SP2: variants seen among roughly 807,000 people sequenced by gnomAD.
SP2 encodes the protein transcription factor Sp2.
A neutral mutation model predicts 50.1 loss-of-function variants in SP2; 9 were observed. The ratio of observed to expected loss-of-function variants is 0.18; its 90% CI spans 0.11 to 0.31. The LOEUF (loss-of-function observed/expected upper bound fraction) is 0.31, where lower values mean the gene tolerates loss of function less well. SP2 is among the 10% of genes least tolerant of loss of function. The pLI is 1.00. For missense variants in SP2, 581 were observed against 806.5 expected, an observed-to-expected ratio of 0.72 and a Z score of 3.39; for synonymous variants, 313 against 326.6, an observed-to-expected ratio of 0.96 and a Z score of 0.45.
intron 3 of SP2, chr17:47,918,375 T>TATTTTACCTACCCAAC (rs2035297530): frequency 3.9e-5 from 6 of 152,324 alleles, no homozygotes; most frequent in African/African-American, 1.4e-4. Context: ...ACCCTACAGG[T>TATTTTACCTACCCAAC]GATATTTTAT....
intron 3 of SP2, among the ~76,000 whole-genome samples, chr17:47,921,336 C>T (rs1238203148): frequency 3.9e-5 from 6 of 152,186 alleles, no homozygotes; most frequent in Admixed American, 6.5e-5. Context: ...GCAACCTCCA[C>T]CTCCCAGGTT....
chr17:47,924,200 C>T (rs1044934333), intron 4 of SP2, among the ~76,000 whole-genome samples: 4 of 151,998 alleles, frequency 2.6e-5, no homozygotes, highest in African/African-American at 2.4e-5. Context: ...TGCAGTGGCA[C>T]GATCATGACA....
At chr17:47,914,242 A>AG (rs2035100276) in intron 1 of SP2, among the ~76,000 whole-genome samples, 1 of 152,136 alleles carries the variant, frequency 6.6e-6, no homozygotes. Context: ...ATGGTGGTAC[A>AG]TGCCTGTAAT....
At chr17:47,901,179 C>T (rs774240063) in intron 1 of SP2, among the ~76,000 whole-genome samples, 14 of 150,528 alleles carry the variant, frequency 9.3e-5, no homozygotes, top group South Asian at 4.2e-4. Flanking sequence ...GACGGAGTCT[C>T]GCTCTGTCAC....
At chr17:47,930,606 G>A (rs1044808320), downstream of SP2, among the ~76,000 whole-genome samples, 2 of 152,178 alleles carry the variant, frequency 1.3e-5, no homozygotes, top group Admixed American at 6.5e-5. Flanking sequence ...AGACTTGTGG[G>A]CAAATTAACC....
At position 47,916,529 on chromosome 17, in the gene SP2, C is replaced by T; in HGVS notation, c.458C>T (p.Thr153Ile). 6.2e-7 allele frequency: 1 copy of T among 1,614,156 alleles called. No homozygotes were observed. The highest frequency in any genetic ancestry group is 8.5e-7 in the Non-Finnish European group (1 of 1,180,038). ...SQTIQVQPNLTNQIQIIPGTN... is the reference protein window; with the variant it reads ...SQTIQVQPNLINQIQIIPGTN... ...ACCATCCAAGTACAGCCCAATCTCA[C>T]CAACCAGATCCAGATCATCCCTGGC... The change falls in exon 3 of 7, where the codon ACC (threonine) becomes ATC (isoleucine). Residue 153 changes from threonine (T) to isoleucine (I), a missense_variant. By Grantham distance (89) the Thr-to-Ile change is moderately conservative. Transcript: ENST00000376741. This position sits in a 1 kb window ranked among gnomAD's most constrained non-coding sequence, Gnocchi z 4.7.
At chr17:47,918,480 TCA>T (rs1422840991) in intron 3 of SP2, 1 of 152,224 alleles carries the variant, frequency 6.6e-6, no homozygotes, top group Non-Finnish European at 1.5e-5. Flanking sequence ...TGGCACCTGC[TCA>T]GGAGCACATC....
chr17:47,917,225 T>G, intron 3 of SP2, 95 bp downstream of exon 3: 1 of 1,316,274 alleles, frequency 7.6e-7, no homozygotes, highest in Non-Finnish European at 1.0e-6. Context: ...CAGCTTGATC[T>G]GACCTTGAGA....
chr17:47,919,342 C>T (rs569834403), intron 3 of SP2, among the ~76,000 whole-genome samples: 2 of 152,006 alleles, frequency 1.3e-5, no homozygotes, highest in South Asian at 4.2e-4. Flanking sequence ...CCCATGAGTT[C>T]GAGATTGCAG....
At chr17:47,909,543 C>A in intron 1 of SP2, 1 of 181,956 alleles carries the variant, frequency 5.5e-6, no homozygotes, top group Non-Finnish European at 1.0e-5. Context: ...TGAGCCACTG[C>A]ACCTGGCCAG....
chr17:47,907,181 G>A (rs1030380388), intron 1 of SP2, among the ~76,000 whole-genome samples: 5 of 152,074 alleles, frequency 3.3e-5, no homozygotes, highest in African/African-American at 1.2e-4. Flanking sequence ...GGGAAGGAGG[G>A]AGGGGACGGC....
rs1270969319 is a variant in SP2, at chr17:47,928,034, G to C, written c.*210G>C. The C allele has an allele frequency of 5.5e-6, 3 of 545,854 alleles. No homozygotes were observed. The highest frequency in any genetic ancestry group is 9.9e-6 in the Non-Finnish European group (3 of 302,798). The allele number at this position is 545,854 out of a possible 1,614,324, so 33.8% of individuals were successfully genotyped here. A position where few individuals can be genotyped will look rare whatever the true frequency, so the allele number is the denominator to read the frequency against. On this transcript the variant is annotated 3_prime_UTR_variant, in exon 7 of 7. Coordinates refer to ENST00000376741, the MANE Select transcript of SP2 (RefSeq NM_003110.6). Reference sequence around the variant, plus strand: ...GCCTTGGCCCTTCCCCTCACCACGAGCTCCCGGCCTGCCCAGACTGTGGAC... The same window carrying C: ...GCCTTGGCCCTTCCCCTCACCACGACCTCCCGGCCTGCCCAGACTGTGGAC...
intron 3 of SP2, chr17:47,917,805 G>T: frequency 2.3e-6 from 1 of 442,290 alleles, no homozygotes; most frequent in South Asian, 1.6e-5. Context: ...AAACTGGGAT[G>T]CTGAATTCAA....
At chr17:47,925,265 C>T in intron 5 of SP2, 83 bp from the exon 6 acceptor site, 1 of 1,446,636 alleles carries the variant, frequency 6.9e-7, no homozygotes. Flanking sequence ...CACATCCTCA[C>T]TGCATCCTGT....
Position 47,901,480 on chromosome 17 carries a change from GAC to G in SP2, c.7+5189_7+5190del, listed in dbSNP as rs1165771888. ...TGTTTTTTGTTTTGGTTTTTTTTGA[GAC>G]AGAGTCTCGCTCTGTCACCAGGCTG... On this transcript the variant is annotated intron_variant, in intron 1 of 6. Transcript: ENST00000376741. 2.6e-5 allele frequency among the ~76,000 whole-genome samples: 4 copies of G among 151,974 alleles called. No homozygotes were observed. In the South Asian group the frequency reaches 6.2e-4, roughly 24 times the overall value.
rs772123593 is a variant in SP2 at position 47,915,373 on chromosome 17, C to T, written c.69C>T (p.Ala23=). Residue 23 remains alanine (A), a synonymous_variant, in exon 2 of 7, where the codon GCC becomes GCT. Coordinates refer to ENST00000376741, the MANE Select transcript of SP2 (RefSeq NM_003110.6). ...AVSPSDYLQP[A]ASTTQDSQPS... ...GTCCCAGTGACTACCTGCAGCCTGC[C>T]GCCTCCACCACCCAGGCGAGTAGGC... The T allele has an allele frequency of 3.1e-6, 5 of 1,612,800 alleles. No individual in the cohort carries two copies. Among genetic ancestry groups the T allele is most frequent in the Middle Eastern group, 1.6e-4 (1 of 6,080 alleles).
chr17:47,911,547 G>A (rs1456104885), intron 1 of SP2, among the ~76,000 whole-genome samples: 1 of 151,040 alleles, frequency 6.6e-6, no homozygotes, highest in Non-Finnish European at 1.5e-5. Context: ...AGTGGCTCAC[G>A]CCTGTAATCC....
At chr17:47,911,120 G>T (rs982285712) in intron 1 of SP2, among the ~76,000 whole-genome samples, 2 of 152,090 alleles carry the variant, frequency 1.3e-5, no homozygotes, top group Non-Finnish European at 2.9e-5. Context: ...CAGCTACTTG[G>T]GGGGCTGAGG....
chr17:47,930,868 T>C (rs1298876418), downstream of SP2, among the ~76,000 whole-genome samples: 1 of 152,148 alleles, frequency 6.6e-6, no homozygotes, highest in African/African-American at 2.4e-5. Context: ...CAGCTGACAC[T>C]TGGCATTGTG....
Sources: gnomAD v4.1 joint callset for allele counts (sites outside exome capture counted in the v4.1 genomes callset) on GRCh38, gnomAD v4.1.1 for gene constraint, Gnocchi (gnomAD v3.1) non-coding constraint, MANE v1.5 for transcripts, NCBI Gene and HGNC (gene_info 2026-07-23, HGNC 2026-07-21) for gene names.